The following UNC5D variants were observed in gnomAD, a reference collection of about 807,000 sequenced individuals.
UNC5D encodes the protein unc-5 netrin receptor D, also known as netrin receptor UNC5D.
A neutral mutation model predicts 105.4 loss-of-function variants in UNC5D; 39 were observed. The observed-to-expected ratio is 0.37, with a 90% CI of 0.29 to 0.48. The LOEUF (loss-of-function observed/expected upper bound fraction) is 0.48. Ranked by LOEUF, UNC5D falls within the 20% of genes least tolerant of loss-of-function variation. UNC5D has a pLI of 0.98. For synonymous variants in UNC5D, 452 were observed against 450.4 expected (o/e 1.00, Z -0.04); for missense variants, 991 against 1,202.4 (o/e 0.82, Z 2.60).
At chr8:35,755,646 C>T (rs924794973) in intron 13 of UNC5D, among the ~76,000 whole-genome samples, 1 of 152,152 alleles carries the variant, frequency 6.6e-6, no homozygotes, top group Non-Finnish European at 1.5e-5. Flanking sequence ...CTGGCCACAG[C>T]TTCTAGAACT....
Position 35,470,653 on chromosome 8 carries a change from C to T in UNC5D, c.104-78639C>T, listed in dbSNP as rs191676079. On this transcript the variant is annotated intron_variant, in intron 1 of 16. Coordinates refer to ENST00000404895, the MANE Select transcript of UNC5D (RefSeq NM_080872.4). ...AGGCATGGTGGTACATGCCTTTAGG[C>T]CCATACTTGGGAGGTTGAGGTGGGA... is the stretch of plus-strand genomic sequence containing the variant. Among the ~76,000 whole-genome samples the T allele has an allele frequency of 3.3e-5, 5 of 150,728 alleles. No homozygotes were observed. In the East Asian group the frequency reaches 9.8e-4, roughly 29 times the overall value.
At chr8:35,357,248 G>A (rs188294131) in intron 1 of UNC5D, among the ~76,000 whole-genome samples, 22 of 152,054 alleles carry the variant, frequency 1.4e-4, no homozygotes, top group Admixed American at 6.6e-4. Flanking sequence ...TTGTTACCAC[G>A]AGAAAAAAGT....
chr8:35,499,170 A>G (rs184573527), intron 1 of UNC5D, among the ~76,000 whole-genome samples: 1 of 152,334 alleles, frequency 6.6e-6, no homozygotes, highest in Non-Finnish European at 1.5e-5. Context: ...ACACCACACC[A>G]CAGGGGCAAT....
chr8:35,474,177 G>T (rs1384626642), intron 1 of UNC5D, among the ~76,000 whole-genome samples: 1 of 152,212 alleles, frequency 6.6e-6, no homozygotes, highest in African/African-American at 2.4e-5. Context: ...GTACATCCAT[G>T]CAATGTGTTC....
In UNC5D at chr8:35,608,471, T is replaced by C. The variant is rs551219442; in HGVS notation, c.570+12814T>C. 3.6e-3 allele frequency among the ~76,000 whole-genome samples: 555 copies of C among 152,332 alleles called. 1 individual carries two copies. The highest frequency in any genetic ancestry group is 4.3e-3 in the Non-Finnish European group (294 of 68,020). ...GGGGTGCAAGTATAATTTTGTTACG[T>C]GCATAGGTTGCATGTAAGCCCTGAA... On this transcript the variant is annotated intron_variant, in intron 4 of 16. Transcript: ENST00000404895.
intron 8 of UNC5D, among the ~76,000 whole-genome samples, chr8:35,716,128 C>T (rs181968744): frequency 2.0e-5 from 3 of 152,182 alleles, no homozygotes; most frequent in East Asian, 1.9e-4. Context: ...AGAGAGGAGA[C>T]GCAAGGAAGA....
chr8:35,477,887 C>T (rs1478512843), intron 1 of UNC5D, among the ~76,000 whole-genome samples: 2 of 151,904 alleles, frequency 1.3e-5, no homozygotes, highest in Non-Finnish European at 2.9e-5. Flanking sequence ...ATTTTTTTCT[C>T]AAAGCTACTG....
Position 35,683,833 on chromosome 8 carries a change from G to A in UNC5D, c.751+106G>A, listed in dbSNP as rs767938332. ...TGTCGAGAGCTGCAAAGACCTTGGG[G>A]TTCATTCACAGCAGTGCTCTATCCT... On this transcript the variant is annotated intron_variant, in intron 5 of 16. Transcript: ENST00000404895. 4.3e-6 allele frequency: 5 copies of A among 1,156,164 alleles called. No individual in the cohort carries two copies. In the East Asian group the frequency reaches 1.6e-4, roughly 36 times the overall value. 71.6% of individuals were successfully genotyped at this position (1,156,164 alleles called of 1,614,324 possible).
intron 1 of UNC5D, among the ~76,000 whole-genome samples, chr8:35,463,445 G>A (rs1809046798): frequency 6.6e-6 from 1 of 152,156 alleles, no homozygotes; most frequent in East Asian, 1.9e-4. Flanking sequence ...CAGGCTACCT[G>A]AGTTTGCCCC....
chr8:35,328,225 TTTTA>T (rs61297092), intron 1 of UNC5D, among the ~76,000 whole-genome samples: 1 of 150,596 alleles, frequency 6.6e-6, no homozygotes, highest in Non-Finnish European at 1.5e-5. Context: ...ATTTACTTTA[TTTTA>T]TTTATTTATT....
At chr8:35,331,933 C>T (rs975695271) in intron 1 of UNC5D, among the ~76,000 whole-genome samples, 18 of 152,118 alleles carry the variant, frequency 1.2e-4, no homozygotes, top group Non-Finnish European at 1.6e-4. Context: ...AGCACATGTT[C>T]AATATTTGGT....
At chr8:35,697,790 G>A (rs1826894022) in intron 7 of UNC5D, among the ~76,000 whole-genome samples, 1 of 152,158 alleles carries the variant, frequency 6.6e-6, no homozygotes, top group South Asian at 2.1e-4. Context: ...GGTCTGTAAT[G>A]TTAGATAAAT....
intron 1 of UNC5D, among the ~76,000 whole-genome samples, chr8:35,315,834 A>G (rs776405319): frequency 1.8e-4 from 27 of 152,124 alleles, no homozygotes; most frequent in Non-Finnish European, 3.7e-4. Context: ...GTGACTCTAG[A>G]GGCAGATTCT....
chr8:35,736,696 G>A (rs1829486981), intron 11 of UNC5D, among the ~76,000 whole-genome samples: 1 of 152,182 alleles, frequency 6.6e-6, no homozygotes. Context: ...AATAACAGTT[G>A]TCTTATAAAC....
At chr8:35,539,253 T>C (rs1470768770) in intron 1 of UNC5D, among the ~76,000 whole-genome samples, 2 of 152,164 alleles carry the variant, frequency 1.3e-5, no homozygotes, top group Non-Finnish European at 2.9e-5. Context: ...TTGGTGACAA[T>C]GGGTAGGAAT....
intron 11 of UNC5D, among the ~76,000 whole-genome samples, chr8:35,735,954 CATTCTCTTAA>C (rs1213485754): frequency 1.3e-5 from 2 of 152,134 alleles, no homozygotes; most frequent in Admixed American, 6.6e-5. Context: ...GCCAGCTGGT[CATTCTCTTAA>C]TAAGAATGGA....
At position 35,502,516 on chromosome 8, in the gene UNC5D, C is replaced by A. The variant is rs114971353; in HGVS notation, c.104-46776C>A. 6.3e-3 allele frequency among the ~76,000 whole-genome samples: 952 copies of A among 152,132 alleles called. 10 individuals carry two copies. The highest frequency in any genetic ancestry group is 0.022 in the African/African-American group (917 of 41,510). On this transcript the variant is annotated intron_variant, in intron 1 of 16. Coordinates refer to ENST00000404895, the MANE Select transcript of UNC5D (RefSeq NM_080872.4). ...AAATGGATTTGAGTTCTTTCTAAGG[C>A]TGTGTACTAAGGATTTTGCATGGAT... is the stretch of plus-strand genomic sequence containing the variant.
At chr8:35,469,537 A>T (rs966788669) in intron 1 of UNC5D, among the ~76,000 whole-genome samples, 2 of 152,156 alleles carry the variant, frequency 1.3e-5, no homozygotes, top group Admixed American at 6.6e-5. Flanking sequence ...TGATTTAATA[A>T]CTTTCTTTGC....
intron 1 of UNC5D, among the ~76,000 whole-genome samples, chr8:35,433,295 A>C (rs1464875281): frequency 6.6e-6 from 1 of 152,100 alleles, no homozygotes; most frequent in East Asian, 1.9e-4. Flanking sequence ...TTCATCTCAA[A>C]ATGTTTATGT....
Sources: allele counts gnomAD v4.1 joint callset (sites outside exome capture counted in the v4.1 genomes callset), GRCh38; gene constraint gnomAD v4.1.1; transcripts MANE v1.5; gene names NCBI Gene and HGNC (gene_info 2026-07-23, HGNC 2026-07-21).